Variants in EPHA6 observed in about 807,000 individuals in gnomAD.
EPHA6 encodes the protein EPH receptor A6.
Under a neutral mutation model 112.0 loss-of-function variants are expected in EPHA6, and 50 were observed. The ratio of observed to expected loss-of-function variants is 0.45; its 90% CI spans 0.36 to 0.56. The LOEUF is 0.56. EPHA6 is among the 20% of genes least tolerant of loss of function. The pLI, the probability that EPHA6 is intolerant of heterozygous loss-of-function variation, is 0.00. For missense variants in EPHA6, 1,280 were observed against 1,417.4 expected (o/e 0.90, Z 1.56); for synonymous variants, 529 against 490.7 (o/e 1.08, Z -1.03).
At position 97,751,990 on chromosome 3, in the gene EPHA6, G is replaced by A. The variant is rs2035913613; in HGVS notation, c.*3289G>A. On this transcript the variant is annotated 3_prime_UTR_variant, in exon 18 of 18. Transcript: ENST00000389672. ...ATGTACAATCAAGGAGAGAGATAAA[G>A]TATTTAAATCATTTTAAAAAGCAAT... Among the ~76,000 whole-genome samples, 1 of 152,130 alleles carries A rather than the reference G, an allele frequency of 6.6e-6. No individual in the cohort carries two copies. The highest frequency in any genetic ancestry group is 2.4e-5 in the African/African-American group (1 of 41,452).
chr3:97,366,949 A>G (rs2084769439), intron 5 of EPHA6, among the ~76,000 whole-genome samples: 2 of 152,202 alleles, frequency 1.3e-5, no homozygotes, highest in Non-Finnish European at 2.9e-5. Flanking sequence ...TCAGCGCTTT[A>G]CACGTATTGA....
intron 4 of EPHA6, among the ~76,000 whole-genome samples, chr3:97,233,239 A>G (rs1260513857): frequency 6.6e-6 from 1 of 151,822 alleles, no homozygotes; most frequent in Non-Finnish European, 1.5e-5. Flanking sequence ...TACTCCATCA[A>G]TATCAGTGAG....
intron 3 of EPHA6, among the ~76,000 whole-genome samples, chr3:97,208,301 A>G (rs1351972308): frequency 6.6e-6 from 1 of 152,206 alleles, no homozygotes; most frequent in Non-Finnish European, 1.5e-5. Flanking sequence ...TTGGCAAGCT[A>G]TTTTAAAATA....
chr3:97,674,142 A>T (rs181091350), intron 14 of EPHA6, among the ~76,000 whole-genome samples: 47 of 152,350 alleles, frequency 3.1e-4, no homozygotes, highest in African/African-American at 9.9e-4. Context: ...CAGAAATAAT[A>T]TCTATGTGAA....
At chr3:97,396,440 C>A (rs935428209) in intron 5 of EPHA6, among the ~76,000 whole-genome samples, 1 of 150,174 alleles carries the variant, frequency 6.7e-6, no homozygotes, top group African/African-American at 2.4e-5. Context: ...TGTATTTATC[C>A]ATATTGTGAA....
At chr3:96,921,571 A>G (rs2039764831) in intron 2 of EPHA6, among the ~76,000 whole-genome samples, 1 of 151,934 alleles carries the variant, frequency 6.6e-6, no homozygotes, top group Non-Finnish European at 1.5e-5. Context: ...GAATTATTTT[A>G]AATACACAAC....
At chr3:97,007,645 A>C (rs1452221552) in intron 3 of EPHA6, among the ~76,000 whole-genome samples, 2 of 152,138 alleles carry the variant, frequency 1.3e-5, no homozygotes, top group Non-Finnish European at 2.9e-5. Flanking sequence ...TCCTGTCATC[A>C]TGATGCTATT....
chr3:97,643,873 G>C (rs1421236425), intron 14 of EPHA6, among the ~76,000 whole-genome samples: 3 of 150,740 alleles, frequency 2.0e-5, no homozygotes, highest in East Asian at 2.0e-4. Flanking sequence ...ACATTAGACA[G>C]ATCAATGAGA....
At chr3:97,088,448 C>T (rs1375739318) in intron 3 of EPHA6, among the ~76,000 whole-genome samples, 3 of 152,092 alleles carry the variant, frequency 2.0e-5, no homozygotes, top group African/African-American at 4.8e-5. Flanking sequence ...TTCTTAGATA[C>T]CTAGAGCTGT....
At chr3:97,081,571 C>G (rs947629144) in intron 3 of EPHA6, among the ~76,000 whole-genome samples, 1 of 151,704 alleles carries the variant, frequency 6.6e-6, no homozygotes, top group Non-Finnish European at 1.5e-5. Flanking sequence ...TTATACAGTT[C>G]TGGTGTAAGT....
Position 97,639,786 on chromosome 3 carries a change from G to A in EPHA6, c.2784+1704G>A, listed in dbSNP as rs2093984818. On this transcript the variant is annotated intron_variant, in intron 14 of 17. Coordinates refer to ENST00000389672, the MANE Select transcript of EPHA6 (RefSeq NM_001080448.3). Reference sequence around the variant, plus strand: ...TCTAAAGACTAAGAGGCCTAGGACAGTGCTTTTTAAAATTTAGATTGGACC... The same window carrying A: ...TCTAAAGACTAAGAGGCCTAGGACAATGCTTTTTAAAATTTAGATTGGACC... 2.0e-5 allele frequency among the ~76,000 whole-genome samples: 3 copies of A among 152,152 alleles called. 1 individual carries two copies. The highest frequency in any genetic ancestry group is 7.2e-5 in the African/African-American group (3 of 41,426).
At chr3:97,695,325 G>A (rs2032961647) in intron 14 of EPHA6, among the ~76,000 whole-genome samples, 1 of 152,200 alleles carries the variant, frequency 6.6e-6, no homozygotes, top group African/African-American at 2.4e-5. Context: ...AAAGAAAGAT[G>A]AGTCCATGAG....
At position 97,226,423 on chromosome 3, in the gene EPHA6, A is replaced by T; in HGVS notation, c.1270+4A>T. On this transcript the variant is annotated splice_donor_region_variant and intron_variant, in intron 4 of 17. Transcript: ENST00000389672. Reference sequence around the variant, plus strand: ...CCACCTTCTATGGCATGTACCAGTAAGTCTATACATTTTGGATTTGGAAAT... The same window carrying T: ...CCACCTTCTATGGCATGTACCAGTATGTCTATACATTTTGGATTTGGAAAT... 6.3e-7 allele frequency: 1 copy of T among 1,595,660 alleles called. No homozygotes were observed. The highest frequency in any genetic ancestry group is 8.5e-7 in the Non-Finnish European group (1 of 1,173,942).
chr3:97,187,688 G>GGAAAGAAAGAAAGAAAGAAAGAAA (rs71113853), intron 3 of EPHA6, among the ~76,000 whole-genome samples: 6 of 108,016 alleles, frequency 5.6e-5, no homozygotes, highest in Admixed American at 1.1e-4. Flanking sequence ...AAAGAAAGAA[G>GGAAAGAAAGAAAGAAAGAAAGAAA]GAAAGAAAGA....
intron 10 of EPHA6, among the ~76,000 whole-genome samples, chr3:97,492,121 G>A (rs2091854464): frequency 6.6e-6 from 1 of 151,884 alleles, no homozygotes; most frequent in Non-Finnish European, 1.5e-5. Flanking sequence ...GTGAATAACA[G>A]ATTATGAATT....
chr3:97,522,809 A>G (rs1005703048), intron 10 of EPHA6, among the ~76,000 whole-genome samples: 2 of 152,120 alleles, frequency 1.3e-5, no homozygotes, highest in African/African-American at 2.4e-5. Context: ...CTTCTAAATT[A>G]TCCAATTTAT....
chr3:97,029,945 C>T (rs895581940), intron 3 of EPHA6, among the ~76,000 whole-genome samples: 2 of 152,068 alleles, frequency 1.3e-5, no homozygotes, highest in Non-Finnish European at 2.9e-5. Flanking sequence ...GGTACTGCGT[C>T]TCCAGGTTCA....
At chr3:97,188,713 A>G (rs1471235229) in intron 3 of EPHA6, among the ~76,000 whole-genome samples, 1 of 152,000 alleles carries the variant, frequency 6.6e-6, no homozygotes, top group Non-Finnish European at 1.5e-5. Context: ...TACATTATGC[A>G]AATAAAAACA....
intron 6 of EPHA6, among the ~76,000 whole-genome samples, chr3:97,410,976 A>G (rs1414477795): frequency 2.0e-5 from 3 of 151,994 alleles, no homozygotes; most frequent in Non-Finnish European, 2.9e-5. Context: ...ACAAGTATTA[A>G]TCTGAAGCAA....
Sources: gnomAD v4.1 joint callset for allele counts (sites outside exome capture counted in the v4.1 genomes callset) on GRCh38, gnomAD v4.1.1 for gene constraint, MANE v1.5 for transcripts, NCBI Gene and HGNC (gene_info 2026-07-23, HGNC 2026-07-21) for gene names.